The following SEPHS1 variants were observed in gnomAD, a reference collection of about 807,000 sequenced individuals.
SEPHS1 encodes the protein zincore component SEPHS1.
SEPHS1 carries 7 observed loss-of-function variants against 39.2 expected under a neutral mutation model. The ratio of observed to expected loss-of-function variants is 0.18; its 90% CI spans 0.10 to 0.34. SEPHS1 has a LOEUF of 0.34. SEPHS1 is among the 10% of genes least tolerant of loss of function. The pLI, the probability that SEPHS1 is intolerant of heterozygous loss-of-function variation, is 1.00. For synonymous variants in SEPHS1, 190 were observed against 195.5 expected, an observed-to-expected ratio of 0.97 and a Z score of 0.23; for missense variants, 253 against 514.5, an observed-to-expected ratio of 0.49 and a Z score of 4.92.
intron 1 of SEPHS1, chr10:13,347,475 G>T: frequency 6.7e-6 from 1 of 148,934 alleles, no homozygotes; most frequent in South Asian, 2.1e-4. Context: ...GCCCCGGCCG[G>T]GCCATCCCTG....
chr10:13,323,702 C>T (rs1194874278), intron 7 of SEPHS1, among the ~76,000 whole-genome samples: 5 of 151,850 alleles, frequency 3.3e-5, no homozygotes, highest in African/African-American at 4.8e-5. Flanking sequence ...GGTACTCCCG[C>T]GAAAGGTGAA....
chr10:13,343,608 G>A (rs1272422787), intron 2 of SEPHS1, among the ~76,000 whole-genome samples: 1 of 152,150 alleles, frequency 6.6e-6, no homozygotes, highest in East Asian at 1.9e-4. Context: ...GAGGTCAGGA[G>A]TTCGAGAACA....
chr10:13,338,779 A>G lies in SEPHS1; in HGVS notation c.223T>C (p.Leu75=). 1 of 1,614,128 alleles carries G rather than the reference A, an allele frequency of 6.2e-7. No individual in the cohort carries two copies. The highest frequency in any genetic ancestry group is 8.5e-7 in the Non-Finnish European group (1 of 1,179,958). ...ACCAAGGAAAGCCCACCGTGCCTCA[A>G]AGGAATGACACAAGTATCCATTCCA... is the stretch of plus-strand genomic sequence containing the variant. ...GIGMDTCVIP[L]RHGGLSLVQT... Residue 75 remains leucine, a synonymous_variant, in exon 3 of 9, where the codon TTG becomes CTG. Transcript: ENST00000327347.
intron 8 of SEPHS1, among the ~76,000 whole-genome samples, chr10:13,320,207 G>A (rs562896505): frequency 1.8e-4 from 27 of 150,102 alleles, no homozygotes; most frequent in Middle Eastern, 3.4e-3. Flanking sequence ...TTTTTGAGAC[G>A]GAGTCTCGCT....
At chr10:13,342,350 G>A (rs376048313) in intron 2 of SEPHS1, among the ~76,000 whole-genome samples, 1 of 152,052 alleles carries the variant, frequency 6.6e-6, no homozygotes, top group Non-Finnish European at 1.5e-5. Context: ...GGAGGCTGAG[G>A]TGGGTGGATA....
intron 7 of SEPHS1, among the ~76,000 whole-genome samples, chr10:13,325,169 C>G (rs1278054901): frequency 1.3e-5 from 2 of 152,028 alleles, no homozygotes; most frequent in African/African-American, 4.8e-5. Flanking sequence ...ATTAATAAAG[C>G]CAAACTTAGC....
chr10:13,335,992 A>AG (rs1034356897), intron 4 of SEPHS1, among the ~76,000 whole-genome samples: 28 of 151,344 alleles, frequency 1.9e-4, no homozygotes, highest in Admixed American at 3.3e-4. Flanking sequence ...AAAAAAAAAA[A>AG]AAAAAAAGTC....
chr10:13,340,721 C>T (rs1381743312), intron 2 of SEPHS1: 2 of 152,200 alleles, frequency 1.3e-5, no homozygotes, highest in Non-Finnish European at 2.9e-5. Flanking sequence ...TATTTCTAAA[C>T]TTAGCAAGTC....
At chr10:13,342,015 C>T (rs1833801797) in intron 2 of SEPHS1, among the ~76,000 whole-genome samples, 2 of 150,694 alleles carry the variant, frequency 1.3e-5, no homozygotes, top group African/African-American at 4.9e-5. Context: ...CGCGGTGTCT[C>T]ACGCCTGTAA....
rs1418898629 is a variant in SEPHS1, at chr10:13,338,913, AAC to A, written c.194-107_194-106del. 1.1e-5 allele frequency: 9 copies of A among 828,960 alleles called. No individual in the cohort carries two copies. The African/African-American group carries it at 1.5e-4, about 14-fold the overall frequency. The allele number at this position is 828,960 out of a possible 1,614,324, so 51.4% of individuals were successfully genotyped here. On this transcript the variant is annotated intron_variant, in intron 2 of 8. Transcript: ENST00000327347. ...GAAGAGCTCATAAGATACTTATGGA[AAC>A]TGCAGGCTGCCAATGAAGCCATGTG...
At chr10:13,320,475 C>T (rs889097607) in intron 8 of SEPHS1, among the ~76,000 whole-genome samples, 53 of 152,090 alleles carry the variant, frequency 3.5e-4, no homozygotes, top group African/African-American at 1.2e-3. Context: ...GCCACTGCAC[C>T]GGGCCAAAAT....
At chr10:13,325,962 A>ATAAT (rs1267092579) in intron 7 of SEPHS1, among the ~76,000 whole-genome samples, 27 of 67,830 alleles carry the variant, frequency 4.0e-4, no homozygotes, top group Admixed American at 8.2e-4. Context: ...AAAAAAAAAA[A>ATAAT]AATAATAATA....
intron 5 of SEPHS1, among the ~76,000 whole-genome samples, chr10:13,330,604 C>G (rs931827741): frequency 6.6e-6 from 1 of 152,196 alleles, no homozygotes; most frequent in African/African-American, 2.4e-5. Context: ...TTCCCCGATG[C>G]TGGCCTCCTC....
intron 7 of SEPHS1, among the ~76,000 whole-genome samples, chr10:13,327,652 G>C (rs1338986705): frequency 6.6e-6 from 1 of 152,206 alleles, no homozygotes; most frequent in Non-Finnish European, 1.5e-5. Flanking sequence ...TTGGAAGACA[G>C]TTTGGCACTA....
chr10:13,341,876 C>T (rs1279350520), intron 2 of SEPHS1, among the ~76,000 whole-genome samples: 1 of 150,104 alleles, frequency 6.7e-6, no homozygotes, highest in Non-Finnish European at 1.5e-5. Context: ...GCATGAGAAT[C>T]AGGCCTGGGA....
At chr10:13,339,616 C>T (rs1000477457) in intron 2 of SEPHS1, among the ~76,000 whole-genome samples, 7 of 151,914 alleles carry the variant, frequency 4.6e-5, no homozygotes, top group African/African-American at 1.5e-4. Context: ...GACAGCTGTT[C>T]CTTGGTATCT....
intron 4 of SEPHS1, among the ~76,000 whole-genome samples, chr10:13,335,562 GC>G (rs1483362199): frequency 6.6e-6 from 1 of 152,074 alleles, no homozygotes; most frequent in Non-Finnish European, 1.5e-5. Context: ...TACTTGGGAG[GC>G]TGAGGCAGGA....
rs533163981 is a variant in SEPHS1 at position 13,317,903 on chromosome 10, A to T, written c.*1239T>A. The T allele has an allele frequency of 2.0e-5, 3 of 152,304 alleles. No homozygotes were observed. Among genetic ancestry groups the T allele is most frequent in the African/African-American group, 7.2e-5 (3 of 41,556 alleles). 9.4% of individuals were successfully genotyped at this position (152,304 alleles called of 1,614,324 possible). ...CATAACACAGAGAACACCTTTTTAG[A>T]TTGCCTATTTATTCTAGAACTACAA... On this transcript the variant is annotated 3_prime_UTR_variant, in exon 9 of 9. Transcript: ENST00000327347.
intron 2 of SEPHS1, among the ~76,000 whole-genome samples, chr10:13,342,145 T>C (rs1396542958): frequency 6.6e-6 from 1 of 151,462 alleles, no homozygotes; most frequent in Non-Finnish European, 1.5e-5. Flanking sequence ...CGGGCGCCTG[T>C]AGTCCCAGCT....
Sources: allele counts gnomAD v4.1 joint callset (sites outside exome capture counted in the v4.1 genomes callset), GRCh38; gene constraint gnomAD v4.1.1; transcripts MANE v1.5; gene names NCBI Gene and HGNC (gene_info 2026-07-23, HGNC 2026-07-21).